Variants in CTXN3 observed in about 807,000 individuals in gnomAD.
The protein encoded by CTXN3 is cortexin 3, also known as cortexin-3.
CTXN3 carries 4 observed loss-of-function variants against 5.0 expected under a neutral mutation model. The ratio of observed to expected loss-of-function variants is 0.79; its 90% confidence interval spans 0.39 to 1.82. The LOEUF (loss-of-function observed/expected upper bound fraction) is 1.82, where lower values mean the gene tolerates loss of function less well. Ranked by LOEUF, CTXN3 falls within the 40% of genes most tolerant of loss-of-function variation. The pLI is 0.04. For missense variants in CTXN3, 89 were observed against 99.7 expected, an observed-to-expected ratio of 0.89 and a Z score of 0.46; for synonymous variants, 48 against 38.6, an observed-to-expected ratio of 1.24 and a Z score of -0.91.
intron 2 of CTXN3, among the ~76,000 whole-genome samples, chr5:127,655,005 T>A (rs540474938): frequency 6.6e-6 from 1 of 152,290 alleles, no homozygotes; most frequent in East Asian, 1.9e-4. Flanking sequence ...GGCTCATGCC[T>A]GTAATCCCAG....
intron 1 of CTXN3, among the ~76,000 whole-genome samples, chr5:127,650,468 A>G (rs1279966120): frequency 6.6e-6 from 1 of 152,166 alleles, no homozygotes; most frequent in Non-Finnish European, 1.5e-5. Flanking sequence ...GGAGGGCTGT[A>G]CTTGGAAAAA....
chr5:127,657,134 GACAGT>G (rs1375331491), intron 2 of CTXN3, among the ~76,000 whole-genome samples: 1 of 152,166 alleles, frequency 6.6e-6, no homozygotes, highest in East Asian at 1.9e-4. Context: ...ATGTCAAGTT[GACAGT>G]ACACCCTGAG....
intron 1 of CTXN3, among the ~76,000 whole-genome samples, chr5:127,652,650 C>T (rs1040653696): frequency 1.3e-5 from 2 of 151,522 alleles, no homozygotes; most frequent in Non-Finnish European, 2.9e-5. Flanking sequence ...AGATGCTTGC[C>T]TCATAGTGCT....
At chr5:127,650,758 A>G (rs1749768759) in intron 1 of CTXN3, among the ~76,000 whole-genome samples, 1 of 152,214 alleles carries the variant, frequency 6.6e-6, no homozygotes, top group African/African-American at 2.4e-5. Flanking sequence ...TTAGATAACG[A>G]GGTGGCTTAT....
intron 1 of CTXN3, among the ~76,000 whole-genome samples, chr5:127,649,708 AT>A (rs111817625): frequency 0.14 from 21,417 of 149,858 alleles, 1,602 homozygotes; most frequent in Non-Finnish European, 0.16. Flanking sequence ...CCATTATCGT[AT>A]TTTTTTTTTC....
At chr5:127,649,566 A>G (rs1303260595) in intron 1 of CTXN3, among the ~76,000 whole-genome samples, 178 bp downstream of exon 1, 5 of 152,224 alleles carry the variant, frequency 3.3e-5, no homozygotes, top group African/African-American at 1.2e-4. Flanking sequence ...GCGAGGGGGT[A>G]AAATGTAATG....
intron 2 of CTXN3, among the ~76,000 whole-genome samples, chr5:127,656,885 A>G (rs1051917405): frequency 3.9e-5 from 6 of 152,086 alleles, no homozygotes; most frequent in Non-Finnish European, 5.9e-5. Context: ...CCAGAACCCA[A>G]TGCTCCTGGA....
intron 1 of CTXN3, among the ~76,000 whole-genome samples, chr5:127,651,470 G>T (rs899202046): frequency 6.6e-6 from 1 of 152,136 alleles, no homozygotes; most frequent in Non-Finnish European, 1.5e-5. Context: ...ATCATTTGGC[G>T]TTGGGGTGGT....
At chr5:127,650,018 T>C (rs977777818) in intron 1 of CTXN3, among the ~76,000 whole-genome samples, 1 of 152,130 alleles carries the variant, frequency 6.6e-6, no homozygotes, top group Non-Finnish European at 1.5e-5. Context: ...TGGTGTTTTC[T>C]GATGTTCTCA....
intron 2 of CTXN3, 147 bp downstream of exon 2, chr5:127,653,570 A>T (rs917728704): frequency 6.6e-6 from 1 of 152,236 alleles, no homozygotes; most frequent in Admixed American, 6.5e-5. Flanking sequence ...TTATTCAGTT[A>T]AAAGCAAACT....
rs1580998548 is a variant in CTXN3, at chr5:127,657,547, C to T, written c.26C>T (p.Ser9Leu). MDGGQPIPSSLVPLGNESA... is the reference protein window; with the variant it reads MDGGQPIPLSLVPLGNESA... ...ATGGATGGAGGACAGCCCATCCCCT[C>T]ATCCCTAGTGCCCCTTGGGAACGAA... The change falls in exon 3 of 3, where the codon TCA becomes TTA. Residue 9 changes from serine to leucine, a missense_variant. Coordinates refer to ENST00000379445, the MANE Select transcript of CTXN3 (RefSeq NM_001048252.3). 6.2e-7 allele frequency: 1 copy of T among 1,614,108 alleles called. No homozygotes were observed. Among genetic ancestry groups the T allele is most frequent in the Non-Finnish European group, 8.5e-7 (1 of 1,179,986 alleles).
chr5:127,657,789 T>C lies in CTXN3; in HGVS notation c.*22T>C. ...TTAGGAGGGATGGTGTGGGATCTCCTCCTGAGGAGATGAAGTGCTTTGTGT... is the reference window on the plus strand; with the variant it reads ...TTAGGAGGGATGGTGTGGGATCTCCCCCTGAGGAGATGAAGTGCTTTGTGT... On this transcript the variant is annotated 3_prime_UTR_variant, in exon 3 of 3. Transcript: ENST00000379445. 1 of 1,613,054 alleles carries C rather than the reference T, an allele frequency of 6.2e-7. No individual in the cohort carries two copies. Among genetic ancestry groups the C allele is most frequent in the South Asian group, 1.1e-5 (1 of 90,968 alleles).
chr5:127,655,674 T>C (rs1366742233), intron 2 of CTXN3, among the ~76,000 whole-genome samples: 4 of 152,184 alleles, frequency 2.6e-5, no homozygotes, highest in Non-Finnish European at 2.9e-5. Flanking sequence ...TACCCAAGGC[T>C]AGGAGGGTGC....
rs1198801113 is a variant in CTXN3, at chr5:127,657,449, C to A, written c.-73C>A. The A allele has an allele frequency of 1.3e-6, 2 of 1,566,960 alleles. No individual in the cohort carries two copies. Among genetic ancestry groups the A allele is most frequent in the East Asian group, 4.5e-5 (2 of 44,560 alleles). On this transcript the variant is annotated 5_prime_UTR_variant, in exon 3 of 3. Transcript: ENST00000379445. ...TAACTCAGCCTCTCCAGAGTGCAGC[C>A]ACCATGACCTCCGCAGATTGATGAT...
At position 127,657,690 on chromosome 5, in the gene CTXN3, C is replaced by G. The variant is rs773647759; in HGVS notation, c.169C>G (p.Arg57Gly). ...RCFRILLDPYRSMPTSTWADG... is the reference protein window; with the variant it reads ...RCFRILLDPYGSMPTSTWADG... ...CTTCCGGATTCTTTTGGATCCATATCGAAGCATGCCAACCTCTACCTGGGC... is the reference window on the plus strand; with the variant it reads ...CTTCCGGATTCTTTTGGATCCATATGGAAGCATGCCAACCTCTACCTGGGC... Residue 57 changes from arginine (R) to glycine (G), a missense_variant, in exon 3 of 3, where the codon CGA becomes GGA. Arg to Gly is a moderately radical substitution (Grantham distance 125, BLOSUM62 -2). Coordinates refer to ENST00000379445, the MANE Select transcript of CTXN3 (RefSeq NM_001048252.3). The G allele has an allele frequency of 1.2e-6, 2 of 1,614,134 alleles. No individual in the cohort carries two copies. The highest frequency in any genetic ancestry group is 1.7e-6 in the Non-Finnish European group (2 of 1,180,000).
Position 127,657,908 on chromosome 5 carries a change from C to T in CTXN3, c.*141C>T. The stretch of plus-strand genomic sequence containing the variant: ...CATAATCCATTATTCCATAAATATG[C>T]AGTTGGGTTAAAGACATTTGAGGAT... On this transcript the variant is annotated 3_prime_UTR_variant, in exon 3 of 3. Coordinates refer to ENST00000379445, the MANE Select transcript of CTXN3 (RefSeq NM_001048252.3). 7 of 988,040 alleles carry T rather than the reference C, an allele frequency of 7.1e-6. No individual in the cohort carries two copies. The highest frequency in any genetic ancestry group is 1.0e-5 in the Non-Finnish European group (7 of 674,776). 61.2% of individuals were successfully genotyped at this position (988,040 alleles called of 1,614,324 possible).
intron 1 of CTXN3, among the ~76,000 whole-genome samples, chr5:127,650,541 A>G (rs1173707888): frequency 3.9e-5 from 6 of 152,196 alleles, no homozygotes; most frequent in African/African-American, 1.2e-4. Context: ...TTTAAAATCT[A>G]TGAAACACCT....
chr5:127,652,473 T>G (rs1749805555), intron 1 of CTXN3: 1 of 152,048 alleles, frequency 6.6e-6, no homozygotes, highest in Admixed American at 6.5e-5. Flanking sequence ...ATAAACACTG[T>G]CAAGACTCGC....
At chr5:127,656,304 A>G (rs759340703) in intron 2 of CTXN3, among the ~76,000 whole-genome samples, 4 of 152,218 alleles carry the variant, frequency 2.6e-5, no homozygotes, top group Non-Finnish European at 5.9e-5. Flanking sequence ...TATACTTGTC[A>G]TGTATATACT....
Sources: gnomAD v4.1 joint callset for allele counts (sites outside exome capture counted in the v4.1 genomes callset) on GRCh38, gnomAD v4.1.1 for gene constraint, MANE v1.5 for transcripts, NCBI Gene and HGNC (gene_info 2026-07-23, HGNC 2026-07-21) for gene names.